MAML3: variants seen among roughly 807,000 people sequenced by gnomAD.
MAML3 encodes mastermind-like protein 3.
MAML3 carries 27 observed loss-of-function variants against 101.9 expected under a neutral mutation model. That is an observed-to-expected ratio of 0.27 (90% CI 0.20 to 0.37). MAML3 has a LOEUF of 0.37. MAML3 is among the 10% of genes least tolerant of loss of function. The pLI is 1.00. For missense variants in MAML3, 1,316 were observed against 1,444.9 expected, an observed-to-expected ratio of 0.91 and a Z score of 1.45; for synonymous variants, 501 against 555.9, an observed-to-expected ratio of 0.90 and a Z score of 1.39.
intron 2 of MAML3, among the ~76,000 whole-genome samples, chr4:139,840,501 GC>G (rs1369300020): frequency 5.3e-5 from 8 of 152,244 alleles, no homozygotes; most frequent in African/African-American, 1.9e-4. Context: ...AAGCCCCGGT[GC>G]AGTGTGAGCA....
chr4:139,798,003 A>G (rs576358016), intron 2 of MAML3, among the ~76,000 whole-genome samples: 3 of 151,314 alleles, frequency 2.0e-5, no homozygotes, highest in Non-Finnish European at 2.9e-5. Flanking sequence ...TAAGAAAAAA[A>G]GAAAGAAAGG....
chr4:139,906,180 G>C (rs1003290285), intron 1 of MAML3, among the ~76,000 whole-genome samples: 14 of 152,132 alleles, frequency 9.2e-5, no homozygotes, highest in African/African-American at 3.1e-4. Flanking sequence ...CAAACTTCCT[G>C]GCTCAAGTGA....
chr4:139,762,455 A>G (rs1001674416), intron 2 of MAML3, among the ~76,000 whole-genome samples: 6 of 152,180 alleles, frequency 3.9e-5, no homozygotes, highest in Admixed American at 2.6e-4. Flanking sequence ...CCCACTGCTT[A>G]TAGTACCTTT....
chr4:139,795,928 T>G (rs1023672053), intron 2 of MAML3, among the ~76,000 whole-genome samples: 15 of 152,248 alleles, frequency 9.9e-5, no homozygotes, highest in African/African-American at 3.6e-4. Flanking sequence ...AGACAGACTT[T>G]CCCATTTACC....
At chr4:139,925,911 C>T (rs971111435) in intron 1 of MAML3, among the ~76,000 whole-genome samples, 2 of 152,020 alleles carry the variant, frequency 1.3e-5, no homozygotes, top group African/African-American at 4.8e-5. Context: ...GAGCAATCTG[C>T]CAAGTCACAA....
chr4:139,833,870 G>A (rs1731214460), intron 2 of MAML3, among the ~76,000 whole-genome samples: 1 of 152,096 alleles, frequency 6.6e-6, no homozygotes, highest in Admixed American at 6.5e-5. Context: ...TTCTCACACG[G>A]GAACCTGAAT....
At chr4:139,842,733 G>C (rs1419033184) in intron 2 of MAML3, among the ~76,000 whole-genome samples, 4 of 122,728 alleles carry the variant, frequency 3.3e-5, no homozygotes, top group Non-Finnish European at 6.4e-5. Flanking sequence ...GGTCAGGCTC[G>C]AACTCCTGGC....
chr4:139,862,097 T>G (rs577024558), intron 2 of MAML3, among the ~76,000 whole-genome samples: 3 of 152,262 alleles, frequency 2.0e-5, no homozygotes, highest in Non-Finnish European at 2.9e-5. Flanking sequence ...TAATCCCAGC[T>G]ACTTGGGATG....
At chr4:139,900,582 T>C (rs1732698285) in intron 1 of MAML3, among the ~76,000 whole-genome samples, 1 of 152,248 alleles carries the variant, frequency 6.6e-6, no homozygotes, top group Non-Finnish European at 1.5e-5. Context: ...GTCACAGGAA[T>C]CCTGTGTAGT....
At chr4:139,906,899 G>A (rs937293167) in intron 1 of MAML3, among the ~76,000 whole-genome samples, 1 of 151,314 alleles carries the variant, frequency 6.6e-6, no homozygotes, top group African/African-American at 2.4e-5. Flanking sequence ...AATAACAATT[G>A]ATGACTTTAG....
In MAML3 at chr4:140,143,869, A is replaced by C. The variant is rs538924665; in HGVS notation, c.468+8991T>G. Among the ~76,000 whole-genome samples, 6 of 152,342 alleles carry C rather than the reference A, an allele frequency of 3.9e-5. 1 individual carries two copies. In the South Asian group the frequency reaches 1.2e-3, roughly 32 times the overall value. ...GCCAGCTAGGATGGCGCTGCCATGC[A>C]ACACAGCAGTCCTCTAACTTCTTCC... is the stretch of plus-strand genomic sequence containing the variant. On this transcript the variant is annotated intron_variant, in intron 1 of 4. Coordinates refer to ENST00000509479, the MANE Select transcript of MAML3 (RefSeq NM_018717.5).
intron 2 of MAML3, among the ~76,000 whole-genome samples, chr4:139,754,744 C>T (rs1276515005): frequency 6.6e-6 from 1 of 152,168 alleles, no homozygotes; most frequent in East Asian, 1.9e-4. Flanking sequence ...CTGGATTATA[C>T]TTTAGGTTCA....
chr4:139,869,645 C>T (rs1731963415), intron 2 of MAML3, among the ~76,000 whole-genome samples: 1 of 152,096 alleles, frequency 6.6e-6, no homozygotes, highest in Admixed American at 6.5e-5. Flanking sequence ...ACCACCCCAC[C>T]CCCGCGGCCA....
intron 2 of MAML3, among the ~76,000 whole-genome samples, chr4:139,830,157 T>C (rs777482885): frequency 1.3e-5 from 2 of 152,154 alleles, no homozygotes; most frequent in East Asian, 1.9e-4. Flanking sequence ...ATCCAAAAAA[T>C]GAAACTGGAT....
intron 1 of MAML3, among the ~76,000 whole-genome samples, chr4:140,106,115 GAAAAAAAAAAA>G (rs59770042): frequency 1.6e-4 from 14 of 90,104 alleles, no homozygotes; most frequent in South Asian, 4.5e-4. Context: ...CTGACTTCAA[GAAAAAAAAAAA>G]AAAAAAAAAA....
chr4:139,720,831 AT>A (rs951684546), intron 4 of MAML3, among the ~76,000 whole-genome samples: 2 of 152,180 alleles, frequency 1.3e-5, no homozygotes, highest in African/African-American at 4.8e-5. Context: ...TGTATTTTCT[AT>A]TTGTGAAGTG....
chr4:139,828,070 A>G (rs1013203725), intron 2 of MAML3, among the ~76,000 whole-genome samples: 1 of 152,252 alleles, frequency 6.6e-6, no homozygotes, highest in African/African-American at 2.4e-5. Flanking sequence ...CATAGTAGGG[A>G]TTTAAAAGGT....
At chr4:140,051,380 C>A (rs1727264632) in intron 1 of MAML3, among the ~76,000 whole-genome samples, 1 of 151,794 alleles carries the variant, frequency 6.6e-6, no homozygotes, top group South Asian at 2.1e-4. Flanking sequence ...CATGGTGAAA[C>A]CCTGTCTCTA....
chr4:139,896,017 ATAGCAGAGCAATCT>A (rs1732597649), intron 1 of MAML3, among the ~76,000 whole-genome samples: 1 of 152,238 alleles, frequency 6.6e-6, no homozygotes, highest in Non-Finnish European at 1.5e-5. Flanking sequence ...TATGTCCAAA[ATAGCAGAGCAATCT>A]TAGCATCCCT....
Sources: gnomAD v4.1 joint callset for allele counts (sites outside exome capture counted in the v4.1 genomes callset) on GRCh38, gnomAD v4.1.1 for gene constraint, MANE v1.5 for transcripts, NCBI Gene and HGNC (gene_info 2026-07-23, HGNC 2026-07-21) for gene names.